Variants in NALF1 observed in about 807,000 individuals in gnomAD.
NALF1 encodes the protein NALCN channel auxiliary factor 1, also known as family with sequence similarity 155 member A.
In NALF1, 3 loss-of-function variants were observed where a neutral mutation model predicts 48.4. The ratio of observed to expected loss-of-function variants is 0.06; its 90% CI spans 0.03 to 0.16. The LOEUF is 0.16. Ranked by LOEUF, NALF1 falls within the 10% of genes least tolerant of loss-of-function variation. The pLI, the probability that NALF1 is intolerant of heterozygous loss-of-function variation, is 1.00. For synonymous variants in NALF1, 262 were observed against 245.7 expected (o/e 1.07, Z -0.62); for missense variants, 526 against 571.5 (o/e 0.92, Z 0.81).
At chr13:107,484,784 TTTTATG>T (rs1885302704) in intron 1 of NALF1, among the ~76,000 whole-genome samples, 1 of 152,162 alleles carries the variant, frequency 6.6e-6, no homozygotes, top group South Asian at 2.1e-4. Flanking sequence ...GAACATCTCC[TTTTATG>T]GACCACAGCA....
intron 1 of NALF1, among the ~76,000 whole-genome samples, chr13:107,306,042 A>G (rs1278008650): frequency 1.3e-5 from 2 of 152,238 alleles, no homozygotes; most frequent in African/African-American, 2.4e-5. Context: ...CAGAATGTTG[A>G]TAACTACTGA....
At chr13:107,653,078 G>C (rs114030294) in intron 1 of NALF1, among the ~76,000 whole-genome samples, 10 of 149,886 alleles carry the variant, frequency 6.7e-5, no homozygotes, top group African/African-American at 2.2e-4. Flanking sequence ...AACACTCCTG[G>C]TATCTTTATG....
At chr13:107,389,936 T>G (rs1883593642) in intron 1 of NALF1, among the ~76,000 whole-genome samples, 1 of 152,238 alleles carries the variant, frequency 6.6e-6, no homozygotes, top group African/African-American at 2.4e-5. Context: ...TTATTATCTC[T>G]AAAACATGCC....
chr13:107,214,113 C>CT (rs1380587033), intron 1 of NALF1, among the ~76,000 whole-genome samples: 1 of 152,184 alleles, frequency 6.6e-6, no homozygotes, highest in Non-Finnish European at 1.5e-5. Flanking sequence ...TTCAATACCT[C>CT]TTGTCAAAAC....
At chr13:107,191,344 C>T (rs11838775) in intron 2 of NALF1, among the ~76,000 whole-genome samples, 10,485 of 151,820 alleles carry the variant, frequency 0.069, 512 homozygotes, top group East Asian at 0.25. Flanking sequence ...GAATTTAACA[C>T]TCAGTTGCAA....
intron 1 of NALF1, among the ~76,000 whole-genome samples, chr13:107,632,440 T>C (rs1879859158): frequency 6.6e-6 from 1 of 152,082 alleles, no homozygotes; most frequent in South Asian, 2.1e-4. Context: ...CTCTCTTCTG[T>C]CTTCCCTTCT....
chr13:107,827,637 C>T (rs1320885546), intron 1 of NALF1, among the ~76,000 whole-genome samples: 1 of 152,188 alleles, frequency 6.6e-6, no homozygotes, highest in Non-Finnish European at 1.5e-5. Context: ...TAAATAATCG[C>T]TGTTCATTTT....
At chr13:107,858,069 C>G (rs570566108) in intron 1 of NALF1, among the ~76,000 whole-genome samples, 1 of 152,214 alleles carries the variant, frequency 6.6e-6, no homozygotes, top group Admixed American at 6.5e-5. Flanking sequence ...CAGAAACCTT[C>G]GTGTTCTTCT....
At chr13:107,554,968 C>T (rs1428692931) in intron 1 of NALF1, among the ~76,000 whole-genome samples, 5 of 151,956 alleles carry the variant, frequency 3.3e-5, no homozygotes, top group African/African-American at 9.7e-5. Context: ...CTAACCTGTC[C>T]GGGGAGGCCT....
At chr13:107,266,395 T>C (rs1881039072) in intron 1 of NALF1, among the ~76,000 whole-genome samples, 1 of 152,232 alleles carries the variant, frequency 6.6e-6, no homozygotes, top group Non-Finnish European at 1.5e-5. Context: ...ACACCCCACC[T>C]GGAAAATAGA....
chr13:107,256,367 A>G (rs935365189), intron 1 of NALF1, among the ~76,000 whole-genome samples: 1 of 152,188 alleles, frequency 6.6e-6, no homozygotes, highest in African/African-American at 2.4e-5. Context: ...GGGAGTATTT[A>G]CACCACAGAA....
At chr13:107,747,016 G>A (rs899502089) in intron 1 of NALF1, among the ~76,000 whole-genome samples, 1 of 152,120 alleles carries the variant, frequency 6.6e-6, no homozygotes, top group East Asian at 1.9e-4. Flanking sequence ...AGCCCCAAAA[G>A]CACTGGCAAC....
At chr13:107,609,133 C>T (rs1422792372) in intron 1 of NALF1, among the ~76,000 whole-genome samples, 3 of 152,198 alleles carry the variant, frequency 2.0e-5, no homozygotes, top group Non-Finnish European at 4.4e-5. Context: ...CCCTCCCTGG[C>T]CACCTCTAAA....
intron 1 of NALF1, among the ~76,000 whole-genome samples, chr13:107,591,826 C>T (rs1056188089): frequency 1.3e-4 from 20 of 151,876 alleles, no homozygotes; most frequent in Admixed American, 7.2e-4. Flanking sequence ...AACATTTTCC[C>T]TCAACAGTCA....
At chr13:107,555,433 T>A (rs1365909317) in intron 1 of NALF1, among the ~76,000 whole-genome samples, 1 of 137,660 alleles carries the variant, frequency 7.3e-6, no homozygotes, top group Non-Finnish European at 1.6e-5. Context: ...CCACCAAGCC[T>A]GGCTAATTTT....
intron 1 of NALF1, among the ~76,000 whole-genome samples, chr13:107,282,419 G>C (rs1267059863): frequency 1.3e-5 from 2 of 152,210 alleles, no homozygotes; most frequent in Non-Finnish European, 2.9e-5. Flanking sequence ...GAATAGGAGA[G>C]GGAGAATTGG....
intron 1 of NALF1, among the ~76,000 whole-genome samples, chr13:107,724,636 A>C (rs1055241126): frequency 6.7e-6 from 1 of 149,516 alleles, no homozygotes; most frequent in Admixed American, 6.8e-5. Context: ...ATCTCGGGTC[A>C]CTGCAGCCTT....
intron 1 of NALF1, among the ~76,000 whole-genome samples, chr13:107,686,744 T>A (rs1220303466): frequency 1.6e-5 from 1 of 64,236 alleles, no homozygotes; most frequent in Admixed American, 1.3e-4. Context: ...ACAACCACAA[T>A]GAGATATCAT....
intron 1 of NALF1, among the ~76,000 whole-genome samples, chr13:107,687,553 G>A (rs1414630843): frequency 6.6e-6 from 1 of 151,054 alleles, no homozygotes; most frequent in East Asian, 1.9e-4. Flanking sequence ...AAGAAGATGG[G>A]TCACAAACCG....
Sources: allele counts gnomAD v4.1 joint callset (sites outside exome capture counted in the v4.1 genomes callset), GRCh38; gene constraint gnomAD v4.1.1; transcripts MANE v1.5; gene names NCBI Gene and HGNC (gene_info 2026-07-23, HGNC 2026-07-21).